INPP4B: variants seen among roughly 807,000 people sequenced by gnomAD.
The protein encoded by INPP4B is inositol polyphosphate-4-phosphatase type II B.
In INPP4B, 55 loss-of-function variants were observed where a neutral mutation model predicts 122.5. That is an observed-to-expected ratio of 0.45 (90% confidence interval 0.36 to 0.56). The LOEUF is 0.56. Among genes scored for constraint, INPP4B ranks in the 20% least tolerant of loss-of-function variants. The pLI, the probability that INPP4B is intolerant of heterozygous loss-of-function variation, is 0.00. For synonymous variants in INPP4B, 403 were observed against 388.7 expected, an observed-to-expected ratio of 1.04 and a Z score of -0.43; for missense variants, 1,000 against 1,097.7, an observed-to-expected ratio of 0.91 and a Z score of 1.26.
At chr4:142,487,796 A>G (rs1193569990) in intron 2 of INPP4B, among the ~76,000 whole-genome samples, 1 of 152,144 alleles carries the variant, frequency 6.6e-6, no homozygotes, top group Admixed American at 6.6e-5. Flanking sequence ...GTCTTTATAT[A>G]CGCACATATT....
chr4:142,718,597 T>C (rs1481391942), intron 2 of INPP4B, among the ~76,000 whole-genome samples: 1 of 152,166 alleles, frequency 6.6e-6, no homozygotes, highest in Admixed American at 6.5e-5. Flanking sequence ...TGAATAGCAC[T>C]TTCTCATGGC....
intron 1 of INPP4B, among the ~76,000 whole-genome samples, chr4:142,820,916 C>G (rs1780725524): frequency 6.6e-6 from 1 of 152,040 alleles, no homozygotes; most frequent in Non-Finnish European, 1.5e-5. Context: ...TAGTCCGAGT[C>G]CTTTTATTCT....
chr4:142,180,541 A>G (rs1830319039), intron 15 of INPP4B, among the ~76,000 whole-genome samples: 1 of 152,156 alleles, frequency 6.6e-6, no homozygotes, highest in South Asian at 2.1e-4. Flanking sequence ...CAGGGATTAT[A>G]TTATTTAATT....
At chr4:142,650,649 T>C (rs1476236833) in intron 2 of INPP4B, among the ~76,000 whole-genome samples, 1 of 151,722 alleles carries the variant, frequency 6.6e-6, no homozygotes, top group African/African-American at 2.4e-5. Context: ...GGTAAAGGGA[T>C]CAATTCAACA....
intron 2 of INPP4B, among the ~76,000 whole-genome samples, chr4:142,647,799 G>A (rs1752110721): frequency 2.0e-5 from 3 of 152,232 alleles, no homozygotes; most frequent in Admixed American, 6.5e-5. Context: ...GCTGATTAAT[G>A]TAAGAATCAA....
chr4:142,816,010 T>A (rs994309560), intron 1 of INPP4B, among the ~76,000 whole-genome samples: 1 of 152,160 alleles, frequency 6.6e-6, no homozygotes, highest in Non-Finnish European at 1.5e-5. Context: ...GAAGTCGTAA[T>A]GCAAAATGTG....
intron 1 of INPP4B, among the ~76,000 whole-genome samples, chr4:142,733,033 A>G (rs1580795843): frequency 1.3e-5 from 2 of 152,294 alleles, no homozygotes; most frequent in South Asian, 2.1e-4. Context: ...AAATTACACA[A>G]GTAAATTATG....
At chr4:142,182,408 C>T (rs1156313520) in intron 15 of INPP4B, among the ~76,000 whole-genome samples, 2 of 151,720 alleles carry the variant, frequency 1.3e-5, no homozygotes, top group East Asian at 3.9e-4. Flanking sequence ...ATTAGCCGGG[C>T]GTGGTGGCAG....
intron 25 of INPP4B, among the ~76,000 whole-genome samples, chr4:142,071,907 A>G (rs1424331093): frequency 6.6e-6 from 1 of 152,208 alleles, no homozygotes; most frequent in East Asian, 1.9e-4. Context: ...AACTAGTTCA[A>G]CCATTGTGGA....
At chr4:142,768,556 C>T (rs111328493) in intron 1 of INPP4B, among the ~76,000 whole-genome samples, 293 of 152,222 alleles carry the variant, frequency 1.9e-3, no homozygotes, top group Non-Finnish European at 2.3e-3. Flanking sequence ...TGACACAAGG[C>T]AGTGAAGGCA....
intron 2 of INPP4B, among the ~76,000 whole-genome samples, chr4:142,574,298 T>C (rs1159332424): frequency 6.6e-6 from 1 of 152,088 alleles, no homozygotes; most frequent in East Asian, 1.9e-4. Flanking sequence ...TTCAGCCTCC[T>C]TATTCTGTTT....
intron 12 of INPP4B, among the ~76,000 whole-genome samples, chr4:142,228,654 C>T (rs1363596953): frequency 6.8e-6 from 1 of 146,312 alleles, no homozygotes; most frequent in East Asian, 2.1e-4. Context: ...GAACTGATCT[C>T]AGAATAAAGT....
chr4:142,188,466 G>T (rs1286156299), intron 15 of INPP4B, among the ~76,000 whole-genome samples: 1 of 121,554 alleles, frequency 8.2e-6, no homozygotes, highest in Non-Finnish European at 1.6e-5. Context: ...CAGCCTAGGC[G>T]ACAGAGTGAG....
rs192876585 is a variant in INPP4B at position 142,023,343 on chromosome 4, A to G, written c.*5439T>C. 6.6e-6 allele frequency: 1 copy of G among 152,288 alleles called. No individual in the cohort carries two copies. The highest frequency in any genetic ancestry group is 1.5e-5 in the Non-Finnish European group (1 of 68,018). 9.4% of individuals were successfully genotyped at this position (152,288 alleles called of 1,614,324 possible). ...TTCATCTAAAATACATATATAACAT[A>G]AAAAGAAAACAAATGCCAACCTTTC... On this transcript the variant is annotated 3_prime_UTR_variant, in exon 26 of 26. Transcript: ENST00000262992.
In INPP4B at chr4:142,784,378, A is replaced by AATAC. The variant is rs1388497351; in HGVS notation, c.-253-58478_-253-58477insGTAT. Among the ~76,000 whole-genome samples, 535 of 143,998 alleles carry AATAC rather than the reference A, an allele frequency of 3.7e-3. 1 individual carries two copies. Among genetic ancestry groups the AATAC allele is most frequent in the Non-Finnish European group, 5.1e-3 (342 of 66,952 alleles). The allele number at this position is 143,998 out of a possible 152,430, so 94.5% of individuals were successfully genotyped here. ...ACTCTGTCTCAAAAATAAATAAATA[A>AATAC]ATAAATAAATAAATAAATAAATAAA... On this transcript the variant is annotated intron_variant, in intron 1 of 25. Transcript: ENST00000262992.
chr4:142,566,797 C>T (rs926373222), intron 2 of INPP4B, among the ~76,000 whole-genome samples: 5 of 152,108 alleles, frequency 3.3e-5, no homozygotes, highest in African/African-American at 1.2e-4. Flanking sequence ...GAACTGTAAA[C>T]CTCTATTACT....
intron 2 of INPP4B, among the ~76,000 whole-genome samples, chr4:142,641,466 G>T (rs541915780): frequency 6.9e-5 from 10 of 145,384 alleles, no homozygotes; most frequent in Admixed American, 4.3e-4. Context: ...TTCCTTTCCT[G>T]TGTCCAAGTG....
Position 142,658,661 on chromosome 4 carries a change from A to G in INPP4B, c.-191+67178T>C, listed in dbSNP as rs146194604. ...CATTTTTCTTTTGCAGCAGGATGCA[A>G]TTGGAAGAATTGGTTATTTTACCAA... is the stretch of plus-strand genomic sequence containing the variant. On this transcript the variant is annotated intron_variant, in intron 2 of 25. Coordinates refer to ENST00000262992, the MANE Select transcript of INPP4B (RefSeq NM_001101669.3). Among the ~76,000 whole-genome samples the G allele has an allele frequency of 1.1e-4, 16 of 152,300 alleles. No homozygotes were observed. In the East Asian group the frequency reaches 2.1e-3, roughly 20 times the overall value.
chr4:142,505,156 TTGAGCCCAGGAATTCGAGGTTGCAG>T (rs1823844571), intron 2 of INPP4B, among the ~76,000 whole-genome samples: 1 of 151,628 alleles, frequency 6.6e-6, no homozygotes, highest in Non-Finnish European at 1.5e-5. Flanking sequence ...AGAGGATCCC[TTGAGCCCAGGAATTCGAGGTTGCAG>T]TGAGCCATGA....
Sources: allele counts gnomAD v4.1 joint callset (sites outside exome capture counted in the v4.1 genomes callset), GRCh38; gene constraint gnomAD v4.1.1; transcripts MANE v1.5; gene names NCBI Gene and HGNC (gene_info 2026-07-23, HGNC 2026-07-21).